PRKCE: variants seen among roughly 807,000 people sequenced by gnomAD.
PRKCE encodes the protein protein kinase C epsilon type.
PRKCE carries 16 observed loss-of-function variants against 85.4 expected under a neutral mutation model. That is an observed-to-expected ratio of 0.19 (90% CI 0.13 to 0.28). PRKCE has a LOEUF of 0.28. Among genes scored for constraint, PRKCE ranks in the 10% least tolerant of loss-of-function variants. The probability of loss-of-function intolerance (pLI) is 1.00; values close to 1 mark genes in which losing one functional copy is unlikely to be tolerated. For missense variants in PRKCE, 573 were observed against 975.2 expected (o/e 0.59, Z 5.49); for synonymous variants, 388 against 371.5 (o/e 1.04, Z -0.51).
intron 2 of PRKCE, among the ~76,000 whole-genome samples, chr2:45,872,277 C>A (rs1354636978): frequency 6.6e-6 from 1 of 152,114 alleles, no homozygotes; most frequent in Non-Finnish European, 1.5e-5. Flanking sequence ...GCAGAGAAAA[C>A]AGCAAGTGCA....
At position 46,007,442 on chromosome 2, in the gene PRKCE, C is replaced by T. The variant is rs758171458; in HGVS notation, c.1064-20C>T. 2.3e-5 allele frequency: 37 copies of T among 1,599,158 alleles called. No homozygotes were observed. Among genetic ancestry groups the T allele is most frequent in the Non-Finnish European group, 2.8e-5 (33 of 1,179,524 alleles). On this transcript the variant is annotated intron_variant, in intron 8 of 14. Transcript: ENST00000306156. Reference sequence around the variant, plus strand: ...TAAGAGGTATGCACTAATGCAATTTCTTGTTCCCCTTGGCCCTAGAAATAA... The same window carrying T: ...TAAGAGGTATGCACTAATGCAATTTTTTGTTCCCCTTGGCCCTAGAAATAA...
chr2:46,081,606 G>C lies in PRKCE; in HGVS notation c.1438-4602G>C, dbSNP rs111471485. Among the ~76,000 whole-genome samples, 849 of 152,344 alleles carry C rather than the reference G, an allele frequency of 5.6e-3. 2 individuals carry two copies. The highest frequency in any genetic ancestry group is 9.3e-3 in the Non-Finnish European group (630 of 68,034). On this transcript the variant is annotated intron_variant, in intron 10 of 14. Coordinates refer to ENST00000306156, the MANE Select transcript of PRKCE (RefSeq NM_005400.3). The stretch of plus-strand genomic sequence containing the variant: ...GGGCAGCTTCCTGGGAGAAAAGATG[G>C]TTGTGCTGAGATCTGAAGGGTGAGG...
intron 11 of PRKCE, among the ~76,000 whole-genome samples, chr2:46,089,228 G>T (rs761794844): frequency 1.3e-5 from 2 of 151,984 alleles, no homozygotes; most frequent in Admixed American, 6.6e-5. Context: ...TTCAACCTTC[G>T]CATGGCTTCA....
rs1206866715 is a variant in PRKCE, at chr2:45,937,565, A to G, written c.413-38864A>G. Among the ~76,000 whole-genome samples, 4 of 152,156 alleles carry G rather than the reference A, an allele frequency of 2.6e-5. No individual in the cohort carries two copies. In the East Asian group the frequency reaches 7.7e-4, roughly 29 times the overall value. On this transcript the variant is annotated intron_variant, in intron 2 of 14. Coordinates refer to ENST00000306156, the MANE Select transcript of PRKCE (RefSeq NM_005400.3). Reference sequence around the variant, plus strand: ...ATCTCCACTAAAAATACAAAAAAAAATTAGCCAGGCCTGGTGGCGGGCACC... The same window carrying G: ...ATCTCCACTAAAAATACAAAAAAAAGTTAGCCAGGCCTGGTGGCGGGCACC...
chr2:45,768,263 G>A (rs1685063080), intron 1 of PRKCE, among the ~76,000 whole-genome samples: 1 of 152,220 alleles, frequency 6.6e-6, no homozygotes, highest in Non-Finnish European at 1.5e-5. Flanking sequence ...AGTGCTAAAT[G>A]TATATTATGG....
intron 14 of PRKCE, among the ~76,000 whole-genome samples, chr2:46,162,658 G>A (rs1397936369): frequency 1.3e-5 from 2 of 152,238 alleles, no homozygotes; most frequent in African/African-American, 2.4e-5. Flanking sequence ...CGTTGTGTAA[G>A]AGGTGTTTCT....
chr2:45,970,840 T>C (rs1702060341), intron 2 of PRKCE, among the ~76,000 whole-genome samples: 1 of 150,364 alleles, frequency 6.7e-6, no homozygotes, highest in Admixed American at 6.7e-5. Context: ...CAAAACTATA[T>C]ATGTATATAT....
At chr2:46,019,143 CT>C (rs2104859792) in intron 10 of PRKCE, among the ~76,000 whole-genome samples, 1 of 152,312 alleles carries the variant, frequency 6.6e-6, no homozygotes, top group South Asian at 2.1e-4. Context: ...TTTGAATAAC[CT>C]GATTTTGTTC....
In PRKCE at chr2:46,185,637, A is replaced by C. The variant is rs1194057768; in HGVS notation, c.*756A>C. The C allele has an allele frequency of 6.6e-6, 1 of 152,668 alleles. No homozygotes were observed. Among genetic ancestry groups the C allele is most frequent in the Non-Finnish European group, 1.5e-5 (1 of 68,048 alleles). The allele number at this position is 152,668 out of a possible 1,614,324, so 9.5% of individuals were successfully genotyped here. On this transcript the variant is annotated 3_prime_UTR_variant, in exon 15 of 15. Coordinates refer to ENST00000306156, the MANE Select transcript of PRKCE (RefSeq NM_005400.3). This position sits in a 1 kb window ranked among gnomAD's most constrained non-coding sequence, Gnocchi z 4.7. Reference sequence around the variant, plus strand: ...GCCAAAAGAGATGAGTTCCAGTCTGAATACAGGTAGATATTAAAGGGCTAA... The same window carrying C: ...GCCAAAAGAGATGAGTTCCAGTCTGCATACAGGTAGATATTAAAGGGCTAA...
chr2:45,945,140 C>T (rs1373417671), intron 2 of PRKCE, among the ~76,000 whole-genome samples: 1 of 152,164 alleles, frequency 6.6e-6, no homozygotes, highest in Non-Finnish European at 1.5e-5. Context: ...TTCAGAGGAA[C>T]ACCTGGGGAA....
chr2:45,756,325 G>T (rs1370382293), intron 1 of PRKCE, among the ~76,000 whole-genome samples: 1 of 152,210 alleles, frequency 6.6e-6, no homozygotes, highest in Admixed American at 6.5e-5. Flanking sequence ...GGCTCTAGGG[G>T]TTCTGCTGGA....
intron 1 of PRKCE, among the ~76,000 whole-genome samples, chr2:45,653,364 T>G (rs934487659): frequency 7.2e-6 from 1 of 138,588 alleles, no homozygotes; most frequent in African/African-American, 2.7e-5. Context: ...TGTTTGTTTT[T>G]GGGTTGTTTT....
At chr2:46,067,547 C>T (rs1436262402) in intron 10 of PRKCE, among the ~76,000 whole-genome samples, 2 of 152,166 alleles carry the variant, frequency 1.3e-5, no homozygotes, top group African/African-American at 4.8e-5. Flanking sequence ...GCCCAGCCTA[C>T]GTGGTGCAAA....
chr2:46,048,248 C>G (rs1001814435), intron 10 of PRKCE, among the ~76,000 whole-genome samples: 2 of 152,134 alleles, frequency 1.3e-5, no homozygotes, highest in African/African-American at 2.4e-5. Flanking sequence ...TCTCTTTGAG[C>G]CTTATTTTCC....
At chr2:46,117,883 CT>C (rs1386356260) in intron 11 of PRKCE, among the ~76,000 whole-genome samples, 1 of 152,146 alleles carries the variant, frequency 6.6e-6, no homozygotes, top group Non-Finnish European at 1.5e-5. Flanking sequence ...CAGGTTTTGA[CT>C]TGAAAGTACA....
chr2:45,652,509 C>A lies in PRKCE; in HGVS notation c.348+61C>A. On this transcript the variant is annotated intron_variant, in intron 1 of 14. Coordinates refer to ENST00000306156, the MANE Select transcript of PRKCE (RefSeq NM_005400.3). This position sits in a 1 kb window ranked among gnomAD's most constrained non-coding sequence, Gnocchi z 7.7. ...GGTTGTGGGGTCCCGGGGAAAGACTCGCTGGTCTTGATCGTAGGGCTCCGG... is the reference window on the plus strand; with the variant it reads ...GGTTGTGGGGTCCCGGGGAAAGACTAGCTGGTCTTGATCGTAGGGCTCCGG... The A allele has an allele frequency of 1.4e-6, 2 of 1,443,508 alleles. No individual in the cohort carries two copies. The highest frequency in any genetic ancestry group is 1.3e-5 in the South Asian group (1 of 77,128). 89.4% of individuals were successfully genotyped at this position (1,443,508 alleles called of 1,614,324 possible).
chr2:46,056,939 G>C (rs370065657), intron 10 of PRKCE, among the ~76,000 whole-genome samples: 12 of 152,350 alleles, frequency 7.9e-5, no homozygotes, highest in African/African-American at 2.6e-4. Context: ...CCAAAACTCA[G>C]AGGCTCAGCT....
intron 10 of PRKCE, among the ~76,000 whole-genome samples, chr2:46,047,198 G>C (rs1188672435): frequency 1.3e-5 from 2 of 152,182 alleles, no homozygotes; most frequent in Non-Finnish European, 2.9e-5. Context: ...TGGGCCAGGT[G>C]AGTCAAAGGC....
At chr2:46,109,484 T>A (rs1264928191) in intron 11 of PRKCE, among the ~76,000 whole-genome samples, 2 of 152,172 alleles carry the variant, frequency 1.3e-5, no homozygotes, top group African/African-American at 2.4e-5. Flanking sequence ...GATATATTTT[T>A]AAAAATTTCA....
Sources: gnomAD v4.1 joint callset for allele counts (sites outside exome capture counted in the v4.1 genomes callset) on GRCh38, gnomAD v4.1.1 for gene constraint, Gnocchi (gnomAD v3.1) non-coding constraint, MANE v1.5 for transcripts, NCBI Gene and HGNC (gene_info 2026-07-23, HGNC 2026-07-21) for gene names.